Variants in SPOCK3 observed in about 807,000 individuals in gnomAD.
The protein encoded by SPOCK3 is testican-3.
In SPOCK3, 30 loss-of-function variants were observed where a neutral mutation model predicts 56.6. That is an observed-to-expected ratio of 0.53 (90% confidence interval 0.40 to 0.72). The LOEUF (loss-of-function observed/expected upper bound fraction) is 0.72, where lower values mean the gene tolerates loss of function less well. Ranked by LOEUF, SPOCK3 falls within the 30% of genes least tolerant of loss-of-function variation. SPOCK3 has a pLI of 0.00. For synonymous variants in SPOCK3, 196 were observed against 183.3 expected, an observed-to-expected ratio of 1.07 and a Z score of -0.56; for missense variants, 527 against 530.0, an observed-to-expected ratio of 0.99 and a Z score of 0.06.
intron 2 of SPOCK3, among the ~76,000 whole-genome samples, chr4:167,088,928 A>C (rs1393362066): frequency 2.0e-5 from 3 of 152,194 alleles, no homozygotes; most frequent in African/African-American, 7.2e-5. Context: ...GTTCCCATAC[A>C]ATAAAGAACT....
chr4:167,147,808 C>T (rs570790159), intron 2 of SPOCK3, among the ~76,000 whole-genome samples: 16 of 151,940 alleles, frequency 1.1e-4, no homozygotes, highest in East Asian at 3.9e-4. Flanking sequence ...AGGGCCCGTC[C>T]GGAGGGTGGG....
At chr4:167,000,079 C>T (rs996839406) in intron 4 of SPOCK3, among the ~76,000 whole-genome samples, 3 of 152,128 alleles carry the variant, frequency 2.0e-5, no homozygotes, top group African/African-American at 7.2e-5. Context: ...TGAAAAAGCA[C>T]AAACAACTAG....
At chr4:166,972,044 A>T (rs1359011080) in intron 4 of SPOCK3, among the ~76,000 whole-genome samples, 1 of 152,158 alleles carries the variant, frequency 6.6e-6, no homozygotes, top group African/African-American at 2.4e-5. Context: ...AAGTTATATA[A>T]TAATAACATT....
At chr4:167,136,411 T>C (rs1168708444) in intron 2 of SPOCK3, among the ~76,000 whole-genome samples, 1 of 152,082 alleles carries the variant, frequency 6.6e-6, no homozygotes, top group Non-Finnish European at 1.5e-5. Context: ...TATATTTCTG[T>C]AAAAAGAACA....
At chr4:167,095,060 C>T (rs1186557755) in intron 2 of SPOCK3, among the ~76,000 whole-genome samples, 1 of 152,076 alleles carries the variant, frequency 6.6e-6, no homozygotes, top group Non-Finnish European at 1.5e-5. Context: ...CTTACTCAGC[C>T]TTTAATTCTA....
At chr4:166,831,484 C>G (rs950517687) in intron 6 of SPOCK3, among the ~76,000 whole-genome samples, 1 of 151,980 alleles carries the variant, frequency 6.6e-6, no homozygotes, top group Non-Finnish European at 1.5e-5. Context: ...AAAAGATATA[C>G]GGCTATTCAA....
chr4:166,821,858 C>T (rs1434320661), intron 6 of SPOCK3, among the ~76,000 whole-genome samples: 1 of 151,912 alleles, frequency 6.6e-6, no homozygotes, highest in Non-Finnish European at 1.5e-5. Flanking sequence ...CTAAAATTAA[C>T]TGTATATGTG....
intron 2 of SPOCK3, among the ~76,000 whole-genome samples, chr4:167,224,111 A>G (rs1372655227): frequency 6.6e-6 from 1 of 152,148 alleles, no homozygotes; most frequent in African/African-American, 2.4e-5. Context: ...AATTATTTCC[A>G]TCAAATATCT....
chr4:166,938,081 C>T (rs563472194), intron 4 of SPOCK3, among the ~76,000 whole-genome samples: 16 of 151,852 alleles, frequency 1.1e-4, no homozygotes, highest in Non-Finnish European at 1.8e-4. Context: ...CATGAGCCAC[C>T]GTGCCCAGCC....
chr4:166,774,570 T>A (rs1320093976), intron 7 of SPOCK3, among the ~76,000 whole-genome samples: 2 of 152,190 alleles, frequency 1.3e-5, no homozygotes, highest in Admixed American at 1.3e-4. Context: ...TCAAATCTGA[T>A]CCACAGTAAA....
At chr4:166,885,723 G>C (rs1264394319) in intron 6 of SPOCK3, among the ~76,000 whole-genome samples, 1 of 152,052 alleles carries the variant, frequency 6.6e-6, no homozygotes, top group African/African-American at 2.4e-5. Flanking sequence ...GCATGTTGGG[G>C]TTAAAATATT....
chr4:167,003,591 T>C (rs1244586264), intron 3 of SPOCK3, among the ~76,000 whole-genome samples: 1 of 152,234 alleles, frequency 6.6e-6, no homozygotes, highest in African/African-American at 2.4e-5. Context: ...TGTGTTCTTC[T>C]TTCCGTCTTG....
At chr4:167,222,291 G>A (rs1311404020) in intron 2 of SPOCK3, among the ~76,000 whole-genome samples, 1 of 151,856 alleles carries the variant, frequency 6.6e-6, no homozygotes, top group South Asian at 2.1e-4. Context: ...AGGGGCTGCA[G>A]GAAGGGCAAA....
chr4:166,740,898 C>A (rs1734776985), intron 9 of SPOCK3, among the ~76,000 whole-genome samples: 1 of 152,080 alleles, frequency 6.6e-6, no homozygotes, highest in African/African-American at 2.4e-5. Flanking sequence ...AAACATGACA[C>A]ATTGTAGCAT....
chr4:167,210,510 T>A (rs993135800), intron 2 of SPOCK3, among the ~76,000 whole-genome samples: 6 of 152,094 alleles, frequency 3.9e-5, no homozygotes, highest in Non-Finnish European at 8.8e-5. Context: ...AACAAAGAGG[T>A]CTTTTCCTCT....
chr4:166,880,388 T>A (rs913397165), intron 6 of SPOCK3, among the ~76,000 whole-genome samples: 1 of 152,192 alleles, frequency 6.6e-6, no homozygotes, highest in Non-Finnish European at 1.5e-5. Flanking sequence ...GACCCATGCA[T>A]GTATAGTCTT....
chr4:167,105,409 T>C (rs77329928), intron 2 of SPOCK3, among the ~76,000 whole-genome samples: 2,451 of 148,142 alleles, frequency 0.017, 68 homozygotes, highest in African/African-American at 0.057. Flanking sequence ...AATATAGTAA[T>C]TACAAGCCTC....
intron 2 of SPOCK3, among the ~76,000 whole-genome samples, chr4:167,211,543 G>T (rs138388993): frequency 1.3e-5 from 2 of 152,144 alleles, no homozygotes; most frequent in South Asian, 4.1e-4. Flanking sequence ...TGAATCATGG[G>T]GGCAGGTCTT....
At chr4:166,961,850 CT>C (rs1744181411) in intron 4 of SPOCK3, among the ~76,000 whole-genome samples, 1 of 152,130 alleles carries the variant, frequency 6.6e-6, no homozygotes, top group Admixed American at 6.5e-5. Context: ...ACCAGCTGCT[CT>C]AAACCTGAGC....
Sources: gnomAD v4.1 joint callset for allele counts (sites outside exome capture counted in the v4.1 genomes callset) on GRCh38, gnomAD v4.1.1 for gene constraint, MANE v1.5 for transcripts, NCBI Gene and HGNC (gene_info 2026-07-23, HGNC 2026-07-21) for gene names.